The following TSNAXIP1 variants were observed in gnomAD, a reference collection of about 807,000 sequenced individuals.
TSNAXIP1 encodes translin-associated factor X-interacting protein 1.
Under a neutral mutation model 84.8 loss-of-function variants are expected in TSNAXIP1, and 89 were observed. The ratio of observed to expected loss-of-function variants is 1.05; its 90% CI spans 0.88 to 1.25. TSNAXIP1 has a LOEUF of 1.25. Among genes scored for constraint, TSNAXIP1 ranks in the 50% most tolerant of loss-of-function variants. The pLI is 0.00. For missense variants in TSNAXIP1, 874 were observed against 887.6 expected (o/e 0.98, Z 0.20); for synonymous variants, 347 against 335.2 (o/e 1.04, Z -0.39).
rs2057425395 is a variant in TSNAXIP1, at chr16:67,826,155, T to C, written c.1148T>C (p.Val383Ala). 3.7e-6 allele frequency: 6 copies of C among 1,613,034 alleles called. No individual in the cohort carries two copies. Among genetic ancestry groups the C allele is most frequent in the Non-Finnish European group, 5.1e-6 (6 of 1,179,412 alleles). The part of the protein sequence containing the change: ...PRPDWTKCKD[V>A]VAGGPERWQM... ...AGCTCCCTCTCCCCACATGCAGATG[T>C]GGTGGCTGGGGGCCCAGAGCGCTGG... Residue 383 changes from valine to alanine, a missense_variant, in exon 10 of 16, where the codon GTG becomes GCG. By Grantham distance (64) the Val-to-Ala change is moderately conservative. Coordinates refer to ENST00000561639, the MANE Select transcript of TSNAXIP1 (RefSeq NM_001288990.3).
intron 1 of TSNAXIP1, among the ~76,000 whole-genome samples, chr16:67,810,785 G>A (rs919285407): frequency 6.7e-6 from 1 of 150,228 alleles, no homozygotes; most frequent in Non-Finnish European, 1.5e-5. Context: ...TATTGCCCAG[G>A]CTGGAGTGCA....
At chr16:67,819,244 CTTTT>C (rs531351666) in intron 2 of TSNAXIP1, among the ~76,000 whole-genome samples, 2 of 137,412 alleles carry the variant, frequency 1.5e-5, no homozygotes, top group Admixed American at 7.4e-5. Flanking sequence ...TTTTGATAGT[CTTTT>C]TTTTTTTTTT....
chr16:67,820,763 G>A, intron 2 of TSNAXIP1, 76 bp from the exon 3 acceptor site: 1 of 1,154,898 alleles, frequency 8.7e-7, no homozygotes, highest in Non-Finnish European at 1.2e-6. Context: ...GTCAGGACTG[G>A]GGGAGGAGAG....
chr16:67,812,668 G>GAA (rs542677734), intron 1 of TSNAXIP1, among the ~76,000 whole-genome samples: 4,137 of 131,366 alleles, frequency 0.031, 190 homozygotes, highest in African/African-American at 0.1. Context: ...TCTGTCTCAA[G>GAA]AAAAAAAAAA....
chr16:67,827,868 G>A lies in TSNAXIP1; in HGVS notation c.2014G>A (p.Glu672Lys). ...CCAGGCCTTCCAGCTCCCTGAGTCG[G>A]AAATGCCAGAGGAGGGTGACGAGAA... Reference protein sequence around the residue: ...MSQAFQLPESEMPEEGDEKEE... With the variant: ...MSQAFQLPESKMPEEGDEKEE... Residue 672 changes from glutamate (E) to lysine (K), a missense_variant, in exon 16 of 16, where the codon GAA becomes AAA. Glu to Lys is a moderately conservative substitution (Grantham distance 56, BLOSUM62 1). Transcript: ENST00000561639. The A allele has an allele frequency of 6.2e-7, 1 of 1,614,146 alleles. No individual in the cohort carries two copies. Among genetic ancestry groups the A allele is most frequent in the Non-Finnish European group, 8.5e-7 (1 of 1,180,040 alleles).
At chr16:67,820,215 G>A (rs866617623) in intron 2 of TSNAXIP1, among the ~76,000 whole-genome samples, 1 of 151,056 alleles carries the variant, frequency 6.6e-6, no homozygotes, top group African/African-American at 2.4e-5. Context: ...CTCAGCCTCC[G>A]AAAGTGCTGG....
rs1284779272 is a variant in TSNAXIP1, at chr16:67,827,532, G to C, written c.1851G>C (p.Glu617Asp). Reference sequence around the variant, plus strand: ...AACTCTGGGAACAATACATGGATGAGAAGGACGAGTACTTACAGCAGCTAA... The same window carrying C: ...AACTCTGGGAACAATACATGGATGACAAGGACGAGTACTTACAGCAGCTAA... Reference protein sequence around the residue: ...VQKLWEQYMDEKDEYLQQLKQ... With the variant: ...VQKLWEQYMDDKDEYLQQLKQ... The change falls in exon 15 of 16, where the codon GAG becomes GAC. Residue 617 changes from glutamate (E) to aspartate (D), a missense_variant. Physicochemically the swap from Glu to Asp is conservative, Grantham distance 45. Transcript: ENST00000561639. 2 of 1,614,198 alleles carry C rather than the reference G, an allele frequency of 1.2e-6. No individual in the cohort carries two copies. The highest frequency in any genetic ancestry group is 2.2e-5 in the South Asian group (2 of 91,080).
intron 1 of TSNAXIP1, among the ~76,000 whole-genome samples, chr16:67,813,759 T>TAAAAAAAAAA (rs2056318692): frequency 8.1e-6 from 1 of 122,774 alleles, no homozygotes; most frequent in African/African-American, 3.0e-5. Context: ...AAAAAAAGAG[T>TAAAAAAAAAA]TGTCTCCACT....
intron 2 of TSNAXIP1, among the ~76,000 whole-genome samples, chr16:67,815,808 T>A (rs1326054219): frequency 6.7e-6 from 1 of 149,778 alleles, no homozygotes; most frequent in Non-Finnish European, 1.5e-5. Context: ...TCAATACTGT[T>A]TTTTTTTTTG....
chr16:67,809,625 CAAAA>C (rs972655441), intron 1 of TSNAXIP1, among the ~76,000 whole-genome samples: 2 of 146,364 alleles, frequency 1.4e-5, no homozygotes, highest in African/African-American at 5.2e-5. Flanking sequence ...GACTCCGTCT[CAAAA>C]AAAAATAAAT....
Position 67,826,854 on chromosome 16 carries a change from G to A in TSNAXIP1, c.1554+10G>A, listed in dbSNP as rs780050472. 5 of 1,612,768 alleles carry A rather than the reference G, an allele frequency of 3.1e-6. No homozygotes were observed. The highest frequency in any genetic ancestry group is 1.7e-5 in the Admixed American group (1 of 59,976). On this transcript the variant is annotated intron_variant, in intron 12 of 15. Coordinates refer to ENST00000561639, the MANE Select transcript of TSNAXIP1 (RefSeq NM_001288990.3). ...AGTCTTGATGGGAAAGGTGAGCTGG[G>A]GCCTATTCCCCTTGGGGAGACTGAG...
chr16:67,826,245 C>T lies in TSNAXIP1; in HGVS notation c.1238C>T (p.Ser413Leu), dbSNP rs143461455. Residue 413 changes from serine to leucine, a missense_variant, in exon 10 of 16, where the codon TCG (serine) becomes TTG (leucine). Transcript: ENST00000561639. ...GACGTGCTCCTGGAAGAGATTGGTTCGGGGCTGCTGCGGGAGAAAGACTTC... is the reference window on the plus strand; with the variant it reads ...GACGTGCTCCTGGAAGAGATTGGTTTGGGGCTGCTGCGGGAGAAAGACTTC... ...LVDVLLEEIG[S>L]GLLREKDFFP... is the part of the protein sequence containing the mutation. The T allele has an allele frequency of 4.8e-5, 76 of 1,590,208 alleles. No homozygotes were observed. The highest frequency in any genetic ancestry group is 5.6e-5 in the Non-Finnish European group (65 of 1,166,738).
chr16:67,824,844 A>AC, intron 6 of TSNAXIP1, 65 bp downstream of exon 6: 2 of 1,518,348 alleles, frequency 1.3e-6, no homozygotes, highest in East Asian at 2.4e-5. Context: ...GACAAGGGTG[A>AC]CCCCCTACCC....
At position 67,826,541 on chromosome 16, in the gene TSNAXIP1, G is replaced by C; in HGVS notation, c.1380G>C (p.Lys460Asn). 1 of 1,614,158 alleles carries C rather than the reference G, an allele frequency of 6.2e-7. No homozygotes were observed. Among genetic ancestry groups the C allele is most frequent in the Non-Finnish European group, 8.5e-7 (1 of 1,180,028 alleles). The change falls in exon 11 of 16, where the codon AAG becomes AAC. Residue 460 changes from lysine to asparagine, a missense_variant. Lys to Asn is a moderately conservative substitution (Grantham distance 94). Coordinates refer to ENST00000561639, the MANE Select transcript of TSNAXIP1 (RefSeq NM_001288990.3). ...DVVNLLKDAW[K>N]ERLAEEQKET... Reference sequence around the variant, plus strand: ...TCAACCTCCTCAAGGATGCCTGGAAGGAACGTCTTGCTGAGGAGCAGGTCA... The same window carrying C: ...TCAACCTCCTCAAGGATGCCTGGAACGAACGTCTTGCTGAGGAGCAGGTCA...
chr16:67,815,313 CA>C (rs561529036), intron 2 of TSNAXIP1, among the ~76,000 whole-genome samples: 3,648 of 49,972 alleles, frequency 0.073, 25 homozygotes, highest in Middle Eastern at 0.12. Context: ...GACTACATCT[CA>C]AAAAAAAAAA....
intron 2 of TSNAXIP1, among the ~76,000 whole-genome samples, chr16:67,819,724 C>T (rs542281825): frequency 1.6e-3 from 244 of 149,814 alleles, no homozygotes; most frequent in African/African-American, 5.7e-3. Context: ...CTCAGCTCAC[C>T]GCAACCTCCG....
chr16:67,826,285 A>AG lies in TSNAXIP1; in HGVS notation c.1275+7dup, dbSNP rs765986652. The AG allele has an allele frequency of 1.5e-5, 24 of 1,577,838 alleles. No homozygotes were observed. In the African/African-American group the frequency reaches 3.2e-4, roughly 21 times the overall value. On this transcript the variant is annotated splice_donor_region_variant and intron_variant, in intron 10 of 15. Transcript: ENST00000561639. Reference sequence around the variant, plus strand: ...AGAAAGACTTCTTCCCTGGTCTGGTAGGGGAGGCCCCAGGAGTGGGGCTTG... The same window carrying AG: ...AGAAAGACTTCTTCCCTGGTCTGGTAGGGGGAGGCCCCAGGAGTGGGGCTTG...
At chr16:67,821,261 G>GGC in intron 4 of TSNAXIP1, 36 bp downstream of exon 4, 1 of 741,946 alleles carries the variant, frequency 1.3e-6, no homozygotes, top group Non-Finnish European at 2.2e-6. Flanking sequence ...GAGGGCGGGG[G>GGC]AAGGGTGGGA....
chr16:67,809,948 C>CA (rs1198745760), intron 1 of TSNAXIP1, among the ~76,000 whole-genome samples: 1 of 151,500 alleles, frequency 6.6e-6, no homozygotes, highest in Non-Finnish European at 1.5e-5. Context: ...GACCCTGTCT[C>CA]AAAAAATAGT....
Sources: gnomAD v4.1 joint callset for allele counts (sites outside exome capture counted in the v4.1 genomes callset) on GRCh38, gnomAD v4.1.1 for gene constraint, MANE v1.5 for transcripts, NCBI Gene and HGNC (gene_info 2026-07-23, HGNC 2026-07-21) for gene names.